SCAI: variants seen among roughly 807,000 people sequenced by gnomAD.
The protein encoded by SCAI is suppressor of cancer cell invasion.
Under a neutral mutation model 92.2 loss-of-function variants are expected in SCAI, and 24 were observed. The ratio of observed to expected loss-of-function variants is 0.26; its 90% CI spans 0.19 to 0.37. The LOEUF (loss-of-function observed/expected upper bound fraction) is 0.37, where lower values mean the gene tolerates loss of function less well. SCAI is among the 10% of genes least tolerant of loss of function. The pLI is 1.00. For missense variants in SCAI, 450 were observed against 736.2 expected, an observed-to-expected ratio of 0.61 and a Z score of 4.50; for synonymous variants, 261 against 258.6, an observed-to-expected ratio of 1.01 and a Z score of -0.09.
chr9:125,106,154 TAG>T (rs1554791723), intron 2 of SCAI, among the ~76,000 whole-genome samples: 1 of 111,216 alleles, frequency 9.0e-6, no homozygotes, highest in African/African-American at 3.5e-5. Context: ...TATATATATA[TAG>T]TTAAGTCAAT....
chr9:125,121,745 T>G (rs1195595049), intron 2 of SCAI, among the ~76,000 whole-genome samples: 1 of 152,084 alleles, frequency 6.6e-6, no homozygotes, highest in African/African-American at 2.4e-5. Flanking sequence ...CCCAGCCACT[T>G]GGGAGGCTGA....
intron 15 of SCAI, chr9:124,975,148 C>T (rs1037177161): frequency 6.7e-6 from 2 of 298,650 alleles, no homozygotes; most frequent in African/African-American, 2.2e-5. Flanking sequence ...AGAATTTTAC[C>T]GTTGTTTGAA....
At chr9:124,980,826 G>A (rs1193407624) in intron 14 of SCAI, among the ~76,000 whole-genome samples, 3 of 152,132 alleles carry the variant, frequency 2.0e-5, no homozygotes, top group African/African-American at 7.2e-5. Context: ...ACGACTATAT[G>A]CCGAGTCCTG....
At chr9:125,061,296 CAAAA>C (rs575719225) in intron 2 of SCAI, among the ~76,000 whole-genome samples, 7 of 141,052 alleles carry the variant, frequency 5.0e-5, no homozygotes, top group Non-Finnish European at 1.1e-4. Context: ...GACTCCGTCT[CAAAA>C]AAAAAAAAGT....
At chr9:125,090,225 G>A (rs1369628513) in intron 2 of SCAI, among the ~76,000 whole-genome samples, 1 of 152,160 alleles carries the variant, frequency 6.6e-6, no homozygotes, top group Non-Finnish European at 1.5e-5. Flanking sequence ...TGCTAGATAA[G>A]TTACTCTGCC....
chr9:125,098,520 T>C (rs1391232434), intron 2 of SCAI, among the ~76,000 whole-genome samples: 1 of 152,074 alleles, frequency 6.6e-6, no homozygotes, highest in Non-Finnish European at 1.5e-5. Flanking sequence ...AAAAACAAAC[T>C]CTCATGAGTA....
At chr9:124,987,581 C>G (rs1328755477) in intron 14 of SCAI, among the ~76,000 whole-genome samples, 1 of 152,126 alleles carries the variant, frequency 6.6e-6, no homozygotes, top group Non-Finnish European at 1.5e-5. Context: ...AAATATTAGA[C>G]AAGATCCTGA....
chr9:124,990,475 C>A (rs1033530105), intron 14 of SCAI, among the ~76,000 whole-genome samples: 1 of 152,034 alleles, frequency 6.6e-6, no homozygotes, highest in South Asian at 2.1e-4. Flanking sequence ...GGTGACACAG[C>A]GAGCCTCCCT....
At position 125,110,742 on chromosome 9, in the gene SCAI, A is replaced by G. The variant is rs530786657; in HGVS notation, c.98+31891T>C. On this transcript the variant is annotated intron_variant, in intron 2 of 17. Coordinates refer to ENST00000336505, the MANE Select transcript of SCAI (RefSeq NM_001144877.3). The stretch of plus-strand genomic sequence containing the variant: ...GTTCTGCCTGTAGAACTGTGAGCCA[A>G]TTAAGCCTATTTCTTTACAAATTTA... Among the ~76,000 whole-genome samples the G allele has an allele frequency of 2.6e-5, 4 of 152,326 alleles. No individual in the cohort carries two copies. The South Asian group carries it at 8.3e-4, about 32-fold the overall frequency.
At chr9:125,072,126 C>G (rs899298827) in intron 2 of SCAI, among the ~76,000 whole-genome samples, 2 of 151,662 alleles carry the variant, frequency 1.3e-5, no homozygotes, top group Non-Finnish European at 2.9e-5. Flanking sequence ...CAGGTTCAAG[C>G]GGTTCTCCTG....
At chr9:125,013,974 C>A (rs1477195096) in intron 9 of SCAI, among the ~76,000 whole-genome samples, 1 of 152,006 alleles carries the variant, frequency 6.6e-6, no homozygotes, top group Non-Finnish European at 1.5e-5. Flanking sequence ...TGACAAAATT[C>A]AACAACGCTT....
chr9:125,044,898 T>A (rs1381112600), intron 3 of SCAI, among the ~76,000 whole-genome samples: 1 of 152,196 alleles, frequency 6.6e-6, no homozygotes, highest in African/African-American at 2.4e-5. Context: ...GAGGCACATC[T>A]AATCCAGCTG....
rs976330719 is a variant in SCAI, at chr9:124,945,568, T to A, written c.*7239A>T. 1 of 151,962 alleles carries A rather than the reference T, an allele frequency of 6.6e-6. No homozygotes were observed. Among genetic ancestry groups the A allele is most frequent in the Non-Finnish European group, 1.5e-5 (1 of 68,002 alleles). The allele number at this position is 151,962 out of a possible 1,614,324, so 9.4% of individuals were successfully genotyped here. A position where few individuals can be genotyped will look rare whatever the true frequency, so the allele number is the denominator to read the frequency against. ...AACTCCATCTCAAAAAAAAAAAAAT[T>A]ATTAATTTTTAAAACCACAAAAGAA... On this transcript the variant is annotated 3_prime_UTR_variant, in exon 18 of 18. Transcript: ENST00000336505.
intron 2 of SCAI, among the ~76,000 whole-genome samples, chr9:125,124,268 G>A (rs925559854): frequency 7.9e-5 from 12 of 152,098 alleles, no homozygotes; most frequent in Admixed American, 1.3e-4. Flanking sequence ...CAGAGGTAGA[G>A]GTAGAGAGAC....
Position 125,119,317 on chromosome 9 carries a change from G to A in SCAI, c.98+23316C>T, listed in dbSNP as rs58754888. Among the ~76,000 whole-genome samples the A allele has an allele frequency of 6.1e-3, 924 of 152,264 alleles. 11 individuals carry two copies. The highest frequency in any genetic ancestry group is 0.021 in the African/African-American group (868 of 41,552). ...TCACACATGTGGTCTGAATCATTCC[G>A]AAGTCACTGCTTATTAACATGCACA... On this transcript the variant is annotated intron_variant, in intron 2 of 17. Coordinates refer to ENST00000336505, the MANE Select transcript of SCAI (RefSeq NM_001144877.3).
intron 14 of SCAI, among the ~76,000 whole-genome samples, chr9:124,979,188 A>G (rs1237624462): frequency 1.3e-5 from 2 of 152,006 alleles, no homozygotes; most frequent in Non-Finnish European, 2.9e-5. Flanking sequence ...ATGAAAAAAG[A>G]TATGGTGCAA....
chr9:125,019,033 T>C (rs1473609393), intron 8 of SCAI, 74 bp downstream of exon 8: 4 of 1,534,418 alleles, frequency 2.6e-6, no homozygotes, highest in African/African-American at 1.4e-5. Flanking sequence ...TCTTGACATA[T>C]ACACACAATA....
rs71374207 is a variant in SCAI, at chr9:124,944,466, A to ATTTTTTTTTTTTTT, written c.*8327_*8340dup. On this transcript the variant is annotated 3_prime_UTR_variant, in exon 18 of 18. Coordinates refer to ENST00000336505, the MANE Select transcript of SCAI (RefSeq NM_001144877.3). ...AGGCGCACACCACCATGCCTGGCTA[A>ATTTTTTTTTTTTTT]TTTTTTTTTTTTTTTTTTTTTTTTT... 59 of 84,718 alleles carry ATTTTTTTTTTTTTT rather than the reference A, an allele frequency of 7.0e-4. No individual in the cohort carries two copies. The highest frequency in any genetic ancestry group is 1.2e-3 in the African/African-American group (25 of 20,474). The allele number at this position is 84,718 out of a possible 1,614,324, so 5.2% of individuals were successfully genotyped here.
intron 14 of SCAI, among the ~76,000 whole-genome samples, chr9:124,994,365 A>C (rs1318513193): frequency 6.6e-6 from 1 of 152,168 alleles, no homozygotes; most frequent in Non-Finnish European, 1.5e-5. Flanking sequence ...AAATCACTGA[A>C]AATCATCACT....
Sources: gnomAD v4.1 joint callset for allele counts (sites outside exome capture counted in the v4.1 genomes callset) on GRCh38, gnomAD v4.1.1 for gene constraint, MANE v1.5 for transcripts, NCBI Gene and HGNC (gene_info 2026-07-23, HGNC 2026-07-21) for gene names.